SLC24A2: variants seen among roughly 807,000 people sequenced by gnomAD.
The protein encoded by SLC24A2 is sodium/potassium/calcium exchanger 2.
A neutral mutation model predicts 62.0 loss-of-function variants in SLC24A2; 36 were observed. The observed-to-expected ratio is 0.58, with a 90% CI of 0.44 to 0.77. The LOEUF is 0.77. Among genes scored for constraint, SLC24A2 ranks in the 30% least tolerant of loss-of-function variants. SLC24A2 has a pLI of 0.00. For synonymous variants in SLC24A2, 358 were observed against 294.0 expected (o/e 1.22, Z -2.23); for missense variants, 846 against 817.9 (o/e 1.03, Z -0.42).
chr9:19,516,163 A>T lies in SLC24A2; in HGVS notation c.1976T>A (p.Val659Asp), dbSNP rs764046843. The T allele has an allele frequency of 1.2e-6, 2 of 1,613,998 alleles. No individual in the cohort carries two copies. Among genetic ancestry groups the T allele is most frequent in the African/African-American group, 1.3e-5 (1 of 74,890 alleles). Reference sequence around the variant, plus strand: ...ATATGGCTTTTCCTGCTAGATGGAGACGGGGCATGTAAGAATTCTGTCTTC... The same window carrying T: ...ATATGGCTTTTCCTGCTAGATGGAGTCGGGGCATGTAAGAATTCTGTCTTC... ...LLEDRILTCP[V>D]SI Residue 659 changes from valine to aspartate, a missense_variant, in exon 11 of 11, where the codon GTC becomes GAC. Transcript: ENST00000341998.
At chr9:20,254,863 T>C in the SLC24A2 span, among the ~76,000 whole-genome samples, 1 of 152,088 alleles carries the variant, frequency 6.6e-6, no homozygotes, top group Non-Finnish European at 1.5e-5. Context: ...CCTGGCGGAA[T>C]GTGAAGGAGG....
At chr9:19,883,869 T>C in the SLC24A2 span, among the ~76,000 whole-genome samples, 1 of 152,218 alleles carries the variant, frequency 6.6e-6, no homozygotes, top group Non-Finnish European at 1.5e-5. Context: ...CCTCCGACTC[T>C]ATCACTGTTC....
chr9:20,237,870 A>G, the SLC24A2 span, among the ~76,000 whole-genome samples: 1 of 152,098 alleles, frequency 6.6e-6, no homozygotes, highest in South Asian at 2.1e-4. Context: ...TCATTTCCCT[A>G]GTGTTGAGTC....
the SLC24A2 span, among the ~76,000 whole-genome samples, chr9:20,236,775 G>A: frequency 3.3e-5 from 5 of 152,180 alleles, no homozygotes; most frequent in East Asian, 1.9e-4. Context: ...TTTCACCTGC[G>A]GCGGGTGGAA....
At chr9:19,917,069 T>C in the SLC24A2 span, among the ~76,000 whole-genome samples, 3 of 143,646 alleles carry the variant, frequency 2.1e-5, no homozygotes, top group Non-Finnish European at 3.0e-5. Context: ...TTCCTTGAAA[T>C]TATATCTTCT....
chr9:20,082,313 G>A, the SLC24A2 span, among the ~76,000 whole-genome samples: 1 of 152,140 alleles, frequency 6.6e-6, no homozygotes, highest in African/African-American at 2.4e-5. Flanking sequence ...TCAGTTGTGT[G>A]GGAGATCCAG....
At chr9:19,636,315 T>TTTTCTTTTCTTTTCTTTTCTTTTCTTTC in intron 2 of SLC24A2, among the ~76,000 whole-genome samples, 22 of 40,196 alleles carry the variant, frequency 5.5e-4, no homozygotes, top group South Asian at 9.6e-4. Context: ...TTTTCTTTTC[T>TTTTCTTTTCTTTTCTTTTCTTTTCTTTC]TTTCTTTCTT....
At chr9:19,873,536 C>CTTTCTTTCTTTCTT in the SLC24A2 span, among the ~76,000 whole-genome samples, 60 of 137,122 alleles carry the variant, frequency 4.4e-4, no homozygotes, top group South Asian at 3.3e-3. Context: ...TCCTTTCTTT[C>CTTTCTTTCTTTCTT]TCTTTCTTTC....
chr9:19,530,983 A>ACATATATACAAAATATACATATG (rs1441149970), intron 8 of SLC24A2, among the ~76,000 whole-genome samples: 14 of 152,006 alleles, frequency 9.2e-5, no homozygotes, highest in Non-Finnish European at 1.6e-4. Flanking sequence ...CTCAAAATAT[A>ACATATATACAAAATATACATATG]CCCCGCCATA....
chr9:19,556,431 C>T (rs1262664876), intron 7 of SLC24A2, among the ~76,000 whole-genome samples: 5 of 152,052 alleles, frequency 3.3e-5, no homozygotes, highest in African/African-American at 4.8e-5. Context: ...GAAGGTGAGC[C>T]CACTTTAACA....
intron 2 of SLC24A2, among the ~76,000 whole-genome samples, chr9:19,735,782 C>A (rs541448532): frequency 6.6e-6 from 1 of 151,194 alleles, no homozygotes; most frequent in Non-Finnish European, 1.5e-5. Flanking sequence ...ACCGCATGTT[C>A]TCATTCATAG....
intron 2 of SLC24A2, among the ~76,000 whole-genome samples, chr9:19,736,873 T>C (rs1182665): frequency 0.7 from 106,631 of 151,952 alleles, 37,672 homozygotes; most frequent in East Asian, 0.83. Flanking sequence ...TCTTATACCA[T>C]GCAAGAGTTA....
the SLC24A2 span, among the ~76,000 whole-genome samples, chr9:20,032,155 T>G: frequency 6.6e-6 from 1 of 152,008 alleles, no homozygotes; most frequent in Non-Finnish European, 1.5e-5. Context: ...ACCCTGGACC[T>G]TTTTAACCGA....
chr9:19,820,015 A>ATG, the SLC24A2 span, among the ~76,000 whole-genome samples: 8 of 105,046 alleles, frequency 7.6e-5, no homozygotes, highest in African/African-American at 2.8e-4. Flanking sequence ...ATGTGTATAT[A>ATG]TATATATATA....
chr9:20,259,890 A>ACCAG, the SLC24A2 span, among the ~76,000 whole-genome samples: 1 of 152,162 alleles, frequency 6.6e-6, no homozygotes, highest in African/African-American at 2.4e-5. Flanking sequence ...GGAGTTTGAG[A>ACCAG]CCAGCCTGGG....
chr9:19,878,295 G>A, the SLC24A2 span, among the ~76,000 whole-genome samples: 1 of 152,178 alleles, frequency 6.6e-6, no homozygotes, highest in Non-Finnish European at 1.5e-5. Flanking sequence ...GCTGCTAGGG[G>A]AAGGATTGGA....
intron 2 of SLC24A2, among the ~76,000 whole-genome samples, chr9:19,779,400 T>A (rs1366817479): frequency 6.6e-6 from 1 of 152,206 alleles, no homozygotes; most frequent in Non-Finnish European, 1.5e-5. Context: ...AATGTTTACA[T>A]GGATGGTAGT....
At chr9:20,029,228 G>A in the SLC24A2 span, among the ~76,000 whole-genome samples, 1 of 152,230 alleles carries the variant, frequency 6.6e-6, no homozygotes, top group Admixed American at 6.5e-5. Context: ...CAGCCCGTGA[G>A]TCCATGCCTG....
At chr9:20,045,207 G>C in the SLC24A2 span, among the ~76,000 whole-genome samples, 1 of 152,138 alleles carries the variant, frequency 6.6e-6, no homozygotes, top group Non-Finnish European at 1.5e-5. Context: ...GATGTAAAAA[G>C]GATGCTTGCA....
Sources: gnomAD v4.1 joint callset for allele counts (sites outside exome capture counted in the v4.1 genomes callset) on GRCh38, gnomAD v4.1.1 for gene constraint, MANE v1.5 for transcripts, NCBI Gene and HGNC (gene_info 2026-07-23, HGNC 2026-07-21) for gene names.